The following TEX2 variants were observed in gnomAD, a reference collection of about 807,000 sequenced individuals.
TEX2 encodes the protein testis expressed 2.
TEX2 carries 53 observed loss-of-function variants against 106.9 expected under a neutral mutation model. The observed-to-expected ratio is 0.50, with a 90% CI of 0.40 to 0.62. TEX2 has a LOEUF of 0.62. Ranked by LOEUF, TEX2 falls within the 20% of genes least tolerant of loss-of-function variation. TEX2 has a pLI of 0.00. For synonymous variants in TEX2, 523 were observed against 534.8 expected, an observed-to-expected ratio of 0.98 and a Z score of 0.30; for missense variants, 1,207 against 1,379.0, an observed-to-expected ratio of 0.88 and a Z score of 1.98.
Position 64,213,906 on chromosome 17 carries a change from A to T in TEX2, c.312T>A (p.Pro104=). The stretch of plus-strand genomic sequence containing the variant: ...TGTTCTTGGAGACGGGCAAAATGGC[A>T]GGGGCCTGGGACACGGACAGTCCAT... ...LADGLSVSQA[P]AILPVSKNTV... The change falls in exon 2 of 12, where the codon CCT becomes CCA. Residue 104 remains proline, a synonymous_variant. Coordinates refer to ENST00000584379, the MANE Select transcript of TEX2 (RefSeq NM_001288732.2). The surrounding 1 kb of genome is among the most constrained non-coding windows in gnomAD (Gnocchi z 4.4). The T allele has an allele frequency of 6.2e-7, 1 of 1,614,218 alleles. No individual in the cohort carries two copies. Among genetic ancestry groups the T allele is most frequent in the Non-Finnish European group, 8.5e-7 (1 of 1,180,030 alleles).
intron 5 of TEX2, among the ~76,000 whole-genome samples, chr17:64,181,472 CAAAAAAAAAAAAAAAA>C (rs759988777): frequency 7.9e-5 from 2 of 25,390 alleles, no homozygotes; most frequent in Non-Finnish European, 1.3e-4. Context: ...AAGGCTATCT[CAAAAAAAAAAAAAAAA>C]AAAAAAAAAA....
In TEX2 at chr17:64,212,608, C is replaced by A; in HGVS notation, c.1610G>T (p.Arg537Ile). The A allele has an allele frequency of 2.5e-6, 4 of 1,614,138 alleles. No homozygotes were observed. The highest frequency in any genetic ancestry group is 1.3e-5 in the African/African-American group (1 of 75,048). ...TTCAGGTTCTTTGATATCCAGAGAT[C>A]TTGTGTTCCAGTGTCGCAGATTTTT... ...LHKNLRHWNT[R>I]SLDIKEPEIL... Residue 537 changes from arginine to isoleucine, a missense_variant, in exon 2 of 12, where the codon AGA becomes ATA. Arg to Ile is a moderately conservative substitution (Grantham distance 97). Coordinates refer to ENST00000584379, the MANE Select transcript of TEX2 (RefSeq NM_001288732.2).
intron 7 of TEX2, among the ~76,000 whole-genome samples, chr17:64,168,366 AT>A: frequency 6.6e-6 from 1 of 152,062 alleles, no homozygotes; most frequent in Non-Finnish European, 1.5e-5. Flanking sequence ...CTTTAATACC[AT>A]TTTCTCCCTT....
chr17:64,250,955 G>A (rs894583656), intron 1 of TEX2, among the ~76,000 whole-genome samples: 16 of 152,182 alleles, frequency 1.1e-4, no homozygotes, highest in Non-Finnish European at 2.4e-4. Context: ...GCCTCCCAAA[G>A]TGCTGGATTA....
chr17:64,224,753 GGAAGAGT>G (rs1555633685), intron 1 of TEX2, among the ~76,000 whole-genome samples: 1 of 152,076 alleles, frequency 6.6e-6, no homozygotes, highest in Non-Finnish European at 1.5e-5. Flanking sequence ...GCCCACTCTG[GGAAGAGT>G]GCCACATCCC....
intron 5 of TEX2, among the ~76,000 whole-genome samples, chr17:64,180,372 TGTG>T (rs1025030582): frequency 1.3e-5 from 2 of 152,224 alleles, no homozygotes; most frequent in Non-Finnish European, 2.9e-5. Flanking sequence ...TGGCATATGA[TGTG>T]GTAAACAAAT....
At chr17:64,229,306 G>GT (rs1439247671) in intron 1 of TEX2, among the ~76,000 whole-genome samples, 6 of 152,272 alleles carry the variant, frequency 3.9e-5, no homozygotes, top group African/African-American at 1.4e-4. Flanking sequence ...CAGGGAAAAG[G>GT]TATCTCAATG....
At chr17:64,192,616 C>T (rs188450425) in intron 4 of TEX2, among the ~76,000 whole-genome samples, 24 of 152,336 alleles carry the variant, frequency 1.6e-4, no homozygotes, top group Admixed American at 4.6e-4. Context: ...ATCTAGTAAT[C>T]TCCCCATTCG....
intron 5 of TEX2, 129 bp downstream of exon 5, chr17:64,188,039 C>CA (rs2143856770): frequency 3.8e-6 from 4 of 1,057,430 alleles, no homozygotes; most frequent in Non-Finnish European, 5.4e-6. Flanking sequence ...TCCCCAAAGG[C>CA]AGGGTCCTTC....
intron 5 of TEX2, among the ~76,000 whole-genome samples, chr17:64,181,341 T>C (rs964352742): frequency 6.6e-6 from 1 of 151,772 alleles, no homozygotes; most frequent in East Asian, 1.9e-4. Flanking sequence ...CTGGGTGTGG[T>C]GGTGCGTGCC....
At chr17:64,236,297 G>A (rs540577841) in intron 1 of TEX2, among the ~76,000 whole-genome samples, 1 of 151,982 alleles carries the variant, frequency 6.6e-6, no homozygotes, top group South Asian at 2.1e-4. Context: ...ATGAGGGCTG[G>A]GCCCAGTGTA....
Position 64,147,583 on chromosome 17 carries a change from C to T in TEX2, c.*1386G>A, listed in dbSNP as rs2143556682. ...TAGTCCTTAGCCTTTAGTTATTGCA[C>T]AACAATTATAAAGACCAGTGACCAG... is the stretch of plus-strand genomic sequence containing the variant. On this transcript the variant is annotated 3_prime_UTR_variant, in exon 12 of 12. Transcript: ENST00000584379. 6.6e-6 allele frequency: 1 copy of T among 152,626 alleles called. No individual in the cohort carries two copies. Among genetic ancestry groups the T allele is most frequent in the South Asian group, 2.1e-4 (1 of 4,822 alleles). 9.5% of individuals were successfully genotyped at this position (152,626 alleles called of 1,614,324 possible). A position where few individuals can be genotyped will look rare whatever the true frequency, so the allele number is the denominator to read the frequency against.
chr17:64,189,553 T>C (rs1196875012), intron 4 of TEX2, among the ~76,000 whole-genome samples: 1 of 152,198 alleles, frequency 6.6e-6, no homozygotes, highest in Non-Finnish European at 1.5e-5. Flanking sequence ...AGGAACAGAC[T>C]GCAAAGTGCC....
At chr17:64,230,328 C>G (rs145613003) in intron 1 of TEX2, among the ~76,000 whole-genome samples, 1 of 152,216 alleles carries the variant, frequency 6.6e-6, no homozygotes, top group East Asian at 1.9e-4. Context: ...GAGGACAAAG[C>G]AGAAGAAAAG....
chr17:64,198,227 C>A (rs1031931245), intron 2 of TEX2, among the ~76,000 whole-genome samples: 1 of 151,582 alleles, frequency 6.6e-6, no homozygotes, highest in Non-Finnish European at 1.5e-5. Flanking sequence ...TTAAGCACAA[C>A]CATTTTCACC....
chr17:64,192,875 T>C (rs2032345267), intron 4 of TEX2, among the ~76,000 whole-genome samples: 1 of 152,198 alleles, frequency 6.6e-6, no homozygotes, highest in African/African-American at 2.4e-5. Flanking sequence ...TTGTTTCAGA[T>C]CCATGTAAGA....
At chr17:64,160,656 C>A in intron 8 of TEX2, 145 bp downstream of exon 8, 1 of 1,073,808 alleles carries the variant, frequency 9.3e-7, no homozygotes. Flanking sequence ...GAAACCATTC[C>A]CTGAAATGCT....
intron 1 of TEX2, among the ~76,000 whole-genome samples, chr17:64,235,892 C>A (rs1180676574): frequency 3.3e-5 from 5 of 152,062 alleles, no homozygotes; most frequent in African/African-American, 1.2e-4. Context: ...TAGGACTTTA[C>A]CGAGACACAA....
chr17:64,210,815 C>T (rs978337620), intron 2 of TEX2, among the ~76,000 whole-genome samples: 1 of 151,814 alleles, frequency 6.6e-6, no homozygotes, highest in East Asian at 1.9e-4. Flanking sequence ...TCCAGGGAAA[C>T]GAAGTTCTCC....
Sources: gnomAD v4.1 joint callset for allele counts (sites outside exome capture counted in the v4.1 genomes callset) on GRCh38, gnomAD v4.1.1 for gene constraint, Gnocchi (gnomAD v3.1) non-coding constraint, MANE v1.5 for transcripts, NCBI Gene and HGNC (gene_info 2026-07-23, HGNC 2026-07-21) for gene names.